The following CPNE4 variants were observed in gnomAD, a reference collection of about 807,000 sequenced individuals.
CPNE4 encodes the protein copine-4.
A neutral mutation model predicts 67.9 loss-of-function variants in CPNE4; 25 were observed. That is an observed-to-expected ratio of 0.37 (90% CI 0.27 to 0.51). CPNE4 has a LOEUF of 0.51. Among genes scored for constraint, CPNE4 ranks in the 20% least tolerant of loss-of-function variants. The probability of loss-of-function intolerance (pLI) is 0.93; values close to 1 mark genes in which losing one functional copy is unlikely to be tolerated. For missense variants in CPNE4, 464 were observed against 690.8 expected, an observed-to-expected ratio of 0.67 and a Z score of 3.68; for synonymous variants, 242 against 244.9, an observed-to-expected ratio of 0.99 and a Z score of 0.11.
chr3:131,852,783 G>T (rs2086286689), intron 2 of CPNE4, among the ~76,000 whole-genome samples: 1 of 151,406 alleles, frequency 6.6e-6, no homozygotes, highest in Admixed American at 6.6e-5. Flanking sequence ...AAATAAATTA[G>T]CAAAGTCACA....
intron 3 of CPNE4, among the ~76,000 whole-genome samples, chr3:131,713,356 A>G (rs2081605444): frequency 1.3e-5 from 2 of 152,200 alleles, no homozygotes; most frequent in South Asian, 2.1e-4. Context: ...GAATGATACC[A>G]TCTATGACTG....
chr3:131,764,599 ACTC>A (rs554748269), intron 2 of CPNE4, among the ~76,000 whole-genome samples: 54 of 152,176 alleles, frequency 3.5e-4, no homozygotes, highest in Admixed American at 3.2e-3. Flanking sequence ...ACATTGTTAC[ACTC>A]CTCTATAGAA....
chr3:131,917,420 G>A (rs1428536136), intron 1 of CPNE4, among the ~76,000 whole-genome samples: 3 of 152,106 alleles, frequency 2.0e-5, no homozygotes, highest in African/African-American at 2.4e-5. Flanking sequence ...CGTGTTTGTC[G>A]CTGCAATCAG....
rs980450716 is a variant in CPNE4, at chr3:131,812,482, A to G, written c.181-88857T>C. ...AGATATTGGAGCCTACTGGTTGTCA[A>G]TTAGCTCAAAGCACACTTCCCACCT... On this transcript the variant is annotated intron_variant, in intron 2 of 15. Coordinates refer to ENST00000429747, the MANE Select transcript of CPNE4 (RefSeq NM_130808.3). 2.6e-5 allele frequency among the ~76,000 whole-genome samples: 4 copies of G among 152,220 alleles called. No individual in the cohort carries two copies. In the East Asian group the frequency reaches 7.7e-4, roughly 29 times the overall value.
At chr3:131,701,500 A>G (rs2081300706) in intron 3 of CPNE4, among the ~76,000 whole-genome samples, 1 of 152,190 alleles carries the variant, frequency 6.6e-6, no homozygotes, top group Admixed American at 6.5e-5. Flanking sequence ...ATCTCTTATC[A>G]CTATCTTATA....
intron 7 of CPNE4, among the ~76,000 whole-genome samples, chr3:131,609,256 G>A (rs1939682635): frequency 6.6e-6 from 1 of 152,156 alleles, no homozygotes; most frequent in Non-Finnish European, 1.5e-5. Context: ...TATTTTAGGT[G>A]CTTTACAAGT....
intron 1 of CPNE4, among the ~76,000 whole-genome samples, chr3:132,000,501 TAATA>T (rs140035945): frequency 0.034 from 5,108 of 151,408 alleles, 323 homozygotes; most frequent in African/African-American, 0.12. Flanking sequence ...ATAAAATAAA[TAATA>T]AATAAATAAA....
intron 2 of CPNE4, among the ~76,000 whole-genome samples, chr3:131,859,184 G>C (rs2086575204): frequency 1.3e-5 from 2 of 152,136 alleles, no homozygotes; most frequent in Non-Finnish European, 2.9e-5. Flanking sequence ...CTGTCCAAGA[G>C]AATCCTGGTG....
chr3:131,976,482 G>A (rs1198233244), intron 1 of CPNE4, among the ~76,000 whole-genome samples: 2 of 152,018 alleles, frequency 1.3e-5, no homozygotes, highest in Non-Finnish European at 2.9e-5. Context: ...AGAGAGTGAA[G>A]ATTTTAAAAA....
chr3:131,882,310 A>G (rs2087706482), intron 2 of CPNE4, among the ~76,000 whole-genome samples: 1 of 152,214 alleles, frequency 6.6e-6, no homozygotes, highest in African/African-American at 2.4e-5. Flanking sequence ...GAAGAAAGAT[A>G]CAAATGCAAT....
intron 2 of CPNE4, among the ~76,000 whole-genome samples, chr3:131,738,712 G>C (rs2082293099): frequency 1.3e-5 from 2 of 152,044 alleles, no homozygotes. Flanking sequence ...GATATGTTTA[G>C]TGGTTATGGA....
chr3:131,931,293 G>T (rs546490851), intron 1 of CPNE4, among the ~76,000 whole-genome samples: 2 of 152,250 alleles, frequency 1.3e-5, no homozygotes. Context: ...CTATTTCACT[G>T]AAGACAAAAT....
chr3:131,683,580 C>T (rs61117419), intron 6 of CPNE4, among the ~76,000 whole-genome samples: 14,212 of 152,136 alleles, frequency 0.093, 754 homozygotes, highest in Non-Finnish European at 0.11. Context: ...GTGTGCTGCA[C>T]TGCTTAGGGT....
At chr3:132,020,810 G>A (rs999111041) in intron 1 of CPNE4, among the ~76,000 whole-genome samples, 4 of 152,210 alleles carry the variant, frequency 2.6e-5, no homozygotes, top group East Asian at 3.9e-4. Flanking sequence ...CCCTAGCCCC[G>A]CACAGCTGGA....
intron 7 of CPNE4, among the ~76,000 whole-genome samples, chr3:131,594,000 G>T (rs566041407): frequency 6.6e-6 from 1 of 152,136 alleles, no homozygotes. Context: ...TTACAGGCGT[G>T]AGCCACCACG....
chr3:131,922,357 A>C (rs538499273), intron 1 of CPNE4, among the ~76,000 whole-genome samples: 72 of 152,282 alleles, frequency 4.7e-4, no homozygotes, highest in Non-Finnish European at 9.0e-4. Context: ...TGCCTTCGCT[A>C]TTGTGAAGAA....
intron 1 of CPNE4, among the ~76,000 whole-genome samples, chr3:131,948,203 T>C (rs898776509): frequency 6.6e-6 from 1 of 152,138 alleles, no homozygotes; most frequent in African/African-American, 2.4e-5. Context: ...ATCCCCATAG[T>C]CCCCACATGT....
intron 9 of CPNE4, among the ~76,000 whole-genome samples, chr3:131,575,349 C>A (rs1937525574): frequency 6.6e-6 from 1 of 152,104 alleles, no homozygotes; most frequent in Non-Finnish European, 1.5e-5. Flanking sequence ...AATATCCATC[C>A]ATTGCTCCCC....
At chr3:131,787,927 G>C (rs950632074) in intron 2 of CPNE4, among the ~76,000 whole-genome samples, 19 of 152,018 alleles carry the variant, frequency 1.2e-4, no homozygotes, top group African/African-American at 4.6e-4. Flanking sequence ...ACAGGAAAAA[G>C]GACTGTCCAA....
Sources: gnomAD v4.1 joint callset for allele counts (sites outside exome capture counted in the v4.1 genomes callset) on GRCh38, gnomAD v4.1.1 for gene constraint, MANE v1.5 for transcripts, NCBI Gene and HGNC (gene_info 2026-07-23, HGNC 2026-07-21) for gene names.